The following SPOCD1 variants were observed in gnomAD, a reference collection of about 807,000 sequenced individuals.
The protein encoded by SPOCD1 is SPOC domain-containing protein 1.
SPOCD1 carries 64 observed loss-of-function variants against 92.2 expected under a neutral mutation model. That is an observed-to-expected ratio of 0.69 (90% CI 0.57 to 0.86). SPOCD1 has a LOEUF of 0.86. Ranked by LOEUF, SPOCD1 falls within the 40% of genes least tolerant of loss-of-function variation. The probability of loss-of-function intolerance (pLI) is 0.00; values close to 1 mark genes in which losing one functional copy is unlikely to be tolerated. For missense variants in SPOCD1, 1,360 were observed against 1,543.1 expected, an observed-to-expected ratio of 0.88 and a Z score of 1.99; for synonymous variants, 578 against 619.3, an observed-to-expected ratio of 0.93 and a Z score of 0.99.
chr1:31,800,682 C>T (rs547887042), intron 3 of SPOCD1, 65 bp from the exon 4 acceptor site: 164 of 1,379,096 alleles, frequency 1.2e-4, no homozygotes, highest in African/African-American at 5.3e-4. Context: ...TCAGAGTGCT[C>T]GCCTCATCTG....
chr1:31,815,256 T>C lies in SPOCD1; in HGVS notation c.78A>G (p.Leu26=). ...TGGAGCTGGCTCCTTCCATGTTCTG[T>C]AAAAGCTCACAGTTGTGTTGGGGAC... is the stretch of plus-strand genomic sequence containing the variant. ...VLSPQHNCEL[L]QNMEGASSMP... The change falls in exon 2 of 16, where the codon TTA becomes TTG. Residue 26 remains leucine, a synonymous_variant. Coordinates refer to ENST00000360482, the MANE Select transcript of SPOCD1 (RefSeq NM_144569.7). 6.2e-7 allele frequency: 1 copy of C among 1,601,788 alleles called. No homozygotes were observed. Among genetic ancestry groups the C allele is most frequent in the Non-Finnish European group, 8.5e-7 (1 of 1,170,574 alleles).
chr1:31,793,287 C>A lies in SPOCD1; in HGVS notation c.2676G>T (p.Arg892=), dbSNP rs1349296296. 3 of 1,593,062 alleles carry A rather than the reference C, an allele frequency of 1.9e-6. No individual in the cohort carries two copies. The highest frequency in any genetic ancestry group is 3.5e-5 in the Admixed American group (2 of 57,174). Residue 892 remains arginine (R), a synonymous_variant, in exon 13 of 16, where the codon CGG becomes CGT. Transcript: ENST00000360482. ...RAQLVSGHSC[R]LVQALPTVIR... Reference sequence around the variant, plus strand: ...AGGAGGGCAGGTGCACCTGGACAAGCCGACAGCTGTGTCCCGAGACCAGCT... The same window carrying A: ...AGGAGGGCAGGTGCACCTGGACAAGACGACAGCTGTGTCCCGAGACCAGCT...
intron 10 of SPOCD1, 36 bp downstream of exon 10, chr1:31,796,554 G>A: frequency 6.2e-7 from 1 of 1,614,210 alleles, no homozygotes; most frequent in Non-Finnish European, 8.5e-7. Flanking sequence ...CCCAGGCATG[G>A]GCTCTGCCCA....
intron 2 of SPOCD1, among the ~76,000 whole-genome samples, chr1:31,811,888 G>A (rs1405757182): frequency 6.6e-6 from 1 of 152,192 alleles, no homozygotes; most frequent in East Asian, 1.9e-4. Flanking sequence ...AGTCAAGCCA[G>A]GCAGGAAGCT....
chr1:31,798,342 A>G lies in SPOCD1; in HGVS notation c.2029-19T>C. 1 of 1,606,136 alleles carries G rather than the reference A, an allele frequency of 6.2e-7. No individual in the cohort carries two copies. ...ACAAGTCCTGGTGGGGGCAGGGGGC[A>G]GGGCTGCACCACACGCTGAAAGAGC... On this transcript the variant is annotated intron_variant, in intron 8 of 15. Coordinates refer to ENST00000360482, the MANE Select transcript of SPOCD1 (RefSeq NM_144569.7). This position sits in a 1 kb window ranked among gnomAD's most constrained non-coding sequence, Gnocchi z 4.1.
Position 31,814,841 on chromosome 1 carries a change from T to C in SPOCD1, c.493A>G (p.Arg165Gly). 1 of 1,613,088 alleles carries C rather than the reference T, an allele frequency of 6.2e-7. No individual in the cohort carries two copies. Among genetic ancestry groups the C allele is most frequent in the Non-Finnish European group, 8.5e-7 (1 of 1,179,686 alleles). Residue 165 changes from arginine (R) to glycine (G), a missense_variant, in exon 2 of 16, where the codon AGG becomes GGG. Physicochemically the swap from Arg to Gly is moderately radical, Grantham distance 125. This residue lies in a region of SPOCD1 where 606 missense variants were observed against 601.5 expected (regional missense o/e 1.01). Transcript: ENST00000360482. This position sits in a 1 kb window ranked among gnomAD's most constrained non-coding sequence, Gnocchi z 4.2. Reference protein sequence around the residue: ...GVEEVSCLRPREARDGGMSSP... With the variant: ...GVEEVSCLRPGEARDGGMSSP... ...CTCATTCCACCGTCTCTGGCCTCCC[T>C]GGGCCTGAGGCAGCTCACCTCCTCC...
At chr1:31,802,608 A>T (rs1444988424) in intron 2 of SPOCD1, among the ~76,000 whole-genome samples, 1 of 152,228 alleles carries the variant, frequency 6.6e-6, no homozygotes, top group Non-Finnish European at 1.5e-5. Flanking sequence ...ATTTATGTAA[A>T]TATATATTTA....
At chr1:31,802,047 A>T (rs908445127) in intron 2 of SPOCD1, among the ~76,000 whole-genome samples, 3 of 151,658 alleles carry the variant, frequency 2.0e-5, no homozygotes, top group African/African-American at 7.2e-5. Flanking sequence ...GGGTGCCTGT[A>T]ATCCCAGCTA....
chr1:31,791,428 T>C, intron 15 of SPOCD1, 137 bp from the exon 16 acceptor site: 1 of 662,184 alleles, frequency 1.5e-6, no homozygotes, highest in Non-Finnish European at 2.4e-6. Flanking sequence ...CTCGGAAGAT[T>C]TGAGCTCTGC....
rs766161938 is a variant in SPOCD1 at position 31,815,266 on chromosome 1, C to G, written c.68G>C (p.Cys23Ser). 6.3e-7 allele frequency: 1 copy of G among 1,599,520 alleles called. No individual in the cohort carries two copies. Among genetic ancestry groups the G allele is most frequent in the Non-Finnish European group, 8.6e-7 (1 of 1,168,886 alleles). Reference protein sequence around the residue: ...GDPVLSPQHNCELLQNMEGAS... With the variant: ...GDPVLSPQHNSELLQNMEGAS... Reference sequence around the variant, plus strand: ...TCCTTCCATGTTCTGTAAAAGCTCACAGTTGTGTTGGGGACTGAGCACAGG... The same window carrying G: ...TCCTTCCATGTTCTGTAAAAGCTCAGAGTTGTGTTGGGGACTGAGCACAGG... Residue 23 changes from cysteine to serine, a missense_variant, in exon 2 of 16, where the codon TGT becomes TCT. Coordinates refer to ENST00000360482, the MANE Select transcript of SPOCD1 (RefSeq NM_144569.7).
intron 15 of SPOCD1, 111 bp downstream of exon 15, chr1:31,792,104 G>A (rs1271594137): frequency 1.6e-6 from 2 of 1,235,850 alleles, no homozygotes; most frequent in East Asian, 5.1e-5. Context: ...GGCTGGGTGA[G>A]GAGTTCCCTT....
chr1:31,803,554 G>A (rs1336448864), intron 2 of SPOCD1, among the ~76,000 whole-genome samples: 2 of 144,820 alleles, frequency 1.4e-5, no homozygotes, highest in African/African-American at 2.6e-5. Context: ...GAAACATAGC[G>A]AGACCCTGTC....
At chr1:31,804,794 G>A (rs1648702698) in intron 2 of SPOCD1, among the ~76,000 whole-genome samples, 1 of 151,364 alleles carries the variant, frequency 6.6e-6, no homozygotes, top group Non-Finnish European at 1.5e-5. Flanking sequence ...TGTAATTTGG[G>A]GATTTTTTAA....
chr1:31,799,282 A>G (rs994213714), intron 7 of SPOCD1, 119 bp downstream of exon 7: 5 of 858,332 alleles, frequency 5.8e-6, no homozygotes, highest in African/African-American at 5.1e-5. Context: ...GACCTGGCAC[A>G]GCTACCAAAT....
At chr1:31,805,157 T>G (rs568825255) in intron 2 of SPOCD1, among the ~76,000 whole-genome samples, 1 of 151,828 alleles carries the variant, frequency 6.6e-6, no homozygotes, top group Non-Finnish European at 1.5e-5. Context: ...ATTTTTTTCT[T>G]GTATTTTTAG....
At chr1:31,801,379 C>G (rs1194720740) in intron 3 of SPOCD1, among the ~76,000 whole-genome samples, 2 of 152,140 alleles carry the variant, frequency 1.3e-5, no homozygotes, top group South Asian at 4.1e-4. Context: ...AAGTGTGTTT[C>G]AATTCTTTTC....
In SPOCD1 at chr1:31,815,342, A is replaced by C; in HGVS notation, c.-9T>G. The C allele has an allele frequency of 6.6e-7, 1 of 1,524,538 alleles. No individual in the cohort carries two copies. The highest frequency in any genetic ancestry group is 8.8e-7 in the Non-Finnish European group (1 of 1,134,458). The allele number at this position is 1,524,538 out of a possible 1,614,324, so 94.4% of individuals were successfully genotyped here. Reference sequence around the variant, plus strand: ...TCCCCCGCCTGGGACATGTCTGTCCACCTACCTGGGCCAAAAGCACAACAC... The same window carrying C: ...TCCCCCGCCTGGGACATGTCTGTCCCCCTACCTGGGCCAAAAGCACAACAC... On this transcript the variant is annotated 5_prime_UTR_variant, in exon 2 of 16. Transcript: ENST00000360482.
intron 10 of SPOCD1, 130 bp downstream of exon 10, chr1:31,796,460 C>T: frequency 4.2e-6 from 6 of 1,422,724 alleles, no homozygotes; most frequent in Admixed American, 1.9e-5. Flanking sequence ...TCGCTGTCCC[C>T]GTTTTATCAC....
chr1:31,799,522 C>A, intron 6 of SPOCD1, 37 bp from the exon 7 acceptor site: 1 of 1,574,526 alleles, frequency 6.4e-7, no homozygotes, highest in African/African-American at 1.3e-5. Flanking sequence ...CCAGGGGTGC[C>A]CAGGGGAAAG....
Sources: allele counts gnomAD v4.1 joint callset (sites outside exome capture counted in the v4.1 genomes callset), GRCh38; gene constraint gnomAD v4.1.1; regional missense constraint gnomAD v4.1.1; non-coding constraint Gnocchi (gnomAD v3.1); transcripts MANE v1.5; gene names NCBI Gene and HGNC (gene_info 2026-07-23, HGNC 2026-07-21).